IRF5: variants seen among roughly 807,000 people sequenced by gnomAD.
IRF5 encodes interferon regulatory factor 5.
Under a neutral mutation model 55.1 loss-of-function variants are expected in IRF5, and 24 were observed. The observed-to-expected ratio is 0.44, with a 90% CI of 0.32 to 0.61. IRF5 has a LOEUF of 0.61. Ranked by LOEUF, IRF5 falls within the 20% of genes least tolerant of loss-of-function variation. The pLI is 0.07. For missense variants in IRF5, 499 were observed against 658.5 expected (o/e 0.76, Z 2.65); for synonymous variants, 258 against 260.2 (o/e 0.99, Z 0.08).
chr7:128,941,844 G>A (rs1246304723), intron 1 of IRF5, among the ~76,000 whole-genome samples: 1 of 152,180 alleles, frequency 6.6e-6, no homozygotes, highest in African/African-American at 2.4e-5. Context: ...AGGGCACCTG[G>A]GGCCGCGCCC....
chr7:128,947,267 T>G lies in IRF5; in HGVS notation c.519T>G (p.Ser173=). Residue 173 remains serine (S), a synonymous_variant, in exon 6 of 9, where the codon TCT becomes TCG. Transcript: ENST00000357234. This position sits in a 1 kb window ranked among gnomAD's most constrained non-coding sequence, Gnocchi z 6.5. ...CTGGCCCCCACATGACACCCTATTC[T>G]TTACTCAAAGAGGATGTCAAGTGGC... The part of the protein sequence containing the change: ...VQSGPHMTPY[S]LLKEDVKWPP... 6.2e-7 allele frequency: 1 copy of G among 1,611,036 alleles called. No individual in the cohort carries two copies. Among genetic ancestry groups the G allele is most frequent in the Non-Finnish European group, 8.5e-7 (1 of 1,178,870 alleles).
chr7:128,947,906 C>T lies in IRF5; in HGVS notation c.965C>T (p.Pro322Leu). The T allele has an allele frequency of 6.2e-7, 1 of 1,614,108 alleles. No homozygotes were observed. The highest frequency in any genetic ancestry group is 8.5e-7 in the Non-Finnish European group (1 of 1,180,008). The change falls in exon 7 of 9, where the codon CCC becomes CTC. Residue 322 changes from proline (P) to leucine (L), a missense_variant. Pro to Leu is a moderately conservative substitution (Grantham distance 98). Coordinates refer to ENST00000357234, the MANE Select transcript of IRF5 (RefSeq NM_001098629.3). The surrounding 1 kb of genome is among the most constrained non-coding windows in gnomAD (Gnocchi z 6.5). ...QVRFPSPEDIPSDKQRFYTNQ... is the reference protein window; with the variant it reads ...QVRFPSPEDILSDKQRFYTNQ... ...CGCTTCCCCAGCCCTGAGGACATCC[C>T]CAGTGACAAGCAGCGCTTCTACACG...
Position 128,948,830 on chromosome 7 carries a change from A to G in IRF5, c.*12A>G. ...CTGGCATGCAATAACAAGGCTGCAG[A>G]CGGTGACTGGCCCTGGCTTCCTGGG... On this transcript the variant is annotated 3_prime_UTR_variant, in exon 9 of 9. Transcript: ENST00000357234. This position sits in a 1 kb window ranked among gnomAD's most constrained non-coding sequence, Gnocchi z 4.6. The G allele has an allele frequency of 6.3e-7, 1 of 1,596,054 alleles. No individual in the cohort carries two copies. Among genetic ancestry groups the G allele is most frequent in the African/African-American group, 1.3e-5 (1 of 74,896 alleles).
chr7:128,941,556 G>C (rs967784610), intron 1 of IRF5: 1 of 152,614 alleles, frequency 6.6e-6, no homozygotes, highest in African/African-American at 2.4e-5. Context: ...TCAGGGGATG[G>C]AGGGTGAGAA....
Position 128,946,639 on chromosome 7 carries a change from C to T in IRF5, c.447+77C>T, listed in dbSNP as rs1796320622. The T allele has an allele frequency of 9.3e-6, 9 of 965,800 alleles. No homozygotes were observed. The highest frequency in any genetic ancestry group is 1.3e-5 in the Non-Finnish European group (8 of 621,386). The allele number at this position is 965,800 out of a possible 1,614,324, so 59.8% of individuals were successfully genotyped here. A position where few individuals can be genotyped will look rare whatever the true frequency, so the allele number is the denominator to read the frequency against. Reference sequence around the variant, plus strand: ...CCCCATCGGCCTTAGGTTTCCGCAGCCCCACTCCCATGGAGCCCCGTGGCC... The same window carrying T: ...CCCCATCGGCCTTAGGTTTCCGCAGTCCCACTCCCATGGAGCCCCGTGGCC... On this transcript the variant is annotated intron_variant, in intron 4 of 8. Coordinates refer to ENST00000357234, the MANE Select transcript of IRF5 (RefSeq NM_001098629.3). The surrounding 1 kb of genome is among the most constrained non-coding windows in gnomAD (Gnocchi z 4.2).
rs1351530179 is a variant in IRF5 at position 128,949,355 on chromosome 7, A to G, written c.*537A>G. On this transcript the variant is annotated 3_prime_UTR_variant, in exon 9 of 9. Coordinates refer to ENST00000357234, the MANE Select transcript of IRF5 (RefSeq NM_001098629.3). Reference sequence around the variant, plus strand: ...AGAACCTGGAGCAGAAATAATTTTTATGTATTTTTGGATTAATGAATGTTA... The same window carrying G: ...AGAACCTGGAGCAGAAATAATTTTTGTGTATTTTTGGATTAATGAATGTTA... 1 of 152,582 alleles carries G rather than the reference A, an allele frequency of 6.6e-6. No homozygotes were observed. The highest frequency in any genetic ancestry group is 1.9e-4 in the East Asian group (1 of 5,198). 9.5% of individuals were successfully genotyped at this position (152,582 alleles called of 1,614,324 possible).
Position 128,949,002 on chromosome 7 carries a change from C to A in IRF5, c.*184C>A, listed in dbSNP as rs532305982. 7.3e-6 allele frequency: 5 copies of A among 681,368 alleles called. No individual in the cohort carries two copies. The East Asian group carries it at 1.4e-4, about 19-fold the overall frequency. The allele number at this position is 681,368 out of a possible 1,614,324, so 42.2% of individuals were successfully genotyped here. On this transcript the variant is annotated 3_prime_UTR_variant, in exon 9 of 9. Coordinates refer to ENST00000357234, the MANE Select transcript of IRF5 (RefSeq NM_001098629.3). ...AGCCCCTGCCTTCCCGGGCCTTTCT[C>A]TCCTGGGCTGTCTCTGGTCTGGTCA...
chr7:128,941,332 G>A (rs571901196), intron 1 of IRF5: 1 of 152,648 alleles, frequency 6.6e-6, no homozygotes, highest in South Asian at 2.1e-4. Context: ...CTACCCGAAT[G>A]CGTGTCCAGT....
chr7:128,948,110 A>G lies in IRF5; in HGVS notation c.1169A>G (p.His390Arg). 6.2e-7 allele frequency: 1 copy of G among 1,613,562 alleles called. No homozygotes were observed. Among genetic ancestry groups the G allele is most frequent in the Non-Finnish European group, 8.5e-7 (1 of 1,179,648 alleles). Reference sequence around the variant, plus strand: ...AAGACCAAGCTTTTCAGCCTGGAGCATTTTCTCAATGGTGAGGGCCCAAAG... The same window carrying G: ...AAGACCAAGCTTTTCAGCCTGGAGCGTTTTCTCAATGGTGAGGGCCCAAAG... ...EVKTKLFSLE[H>R]FLNELILFQK... The change falls in exon 7 of 9, where the codon CAT becomes CGT. Residue 390 changes from histidine (H) to arginine (R), a missense_variant. Around this residue, in one of 2 missense-constraint regions of IRF5, gnomAD observed 194 missense variants for 318.3 expected, o/e 0.61. Transcript: ENST00000357234. This position sits in a 1 kb window ranked among gnomAD's most constrained non-coding sequence, Gnocchi z 4.6.
chr7:128,945,683 T>G lies in IRF5; in HGVS notation c.196-162T>G, dbSNP rs528857737. On this transcript the variant is annotated intron_variant, in intron 2 of 8. Coordinates refer to ENST00000357234, the MANE Select transcript of IRF5 (RefSeq NM_001098629.3). ...GGCAGCCTGAGGGCTGGGGCAGGAC[T>G]GTGGCAGACTCCCACGCTGCAAACC... Among the ~76,000 whole-genome samples, 7 of 152,322 alleles carry G rather than the reference T, an allele frequency of 4.6e-5. No individual in the cohort carries two copies. In the South Asian group the frequency reaches 1.4e-3, roughly 32 times the overall value.
At position 128,946,827 on chromosome 7, in the gene IRF5, T is replaced by C. The variant is rs1040710216; in HGVS notation, c.448-196T>C. 3 of 699,912 alleles carry C rather than the reference T, an allele frequency of 4.3e-6. No homozygotes were observed. The highest frequency in any genetic ancestry group is 5.4e-5 in the East Asian group (2 of 37,028). The allele number at this position is 699,912 out of a possible 1,614,324, so 43.4% of individuals were successfully genotyped here. A position where few individuals can be genotyped will look rare whatever the true frequency, so the allele number is the denominator to read the frequency against. On this transcript the variant is annotated intron_variant, in intron 4 of 8. Coordinates refer to ENST00000357234, the MANE Select transcript of IRF5 (RefSeq NM_001098629.3). This position sits in a 1 kb window ranked among gnomAD's most constrained non-coding sequence, Gnocchi z 4.2. The stretch of plus-strand genomic sequence containing the variant: ...CCCTGCAGAAGGCAAATGAGGAAAG[T>C]GAGGCAAAGGGCTTTTCTGACCTGC...
intron 2 of IRF5, 98 bp from the exon 3 acceptor site, chr7:128,945,747 T>G: frequency 1.6e-6 from 2 of 1,220,660 alleles, no homozygotes; most frequent in Non-Finnish European, 2.3e-6. Context: ...GTAGCCGAAG[T>G]TCTCCCCACA....
At chr7:128,945,370 T>C (rs1796242265) in intron 2 of IRF5, among the ~76,000 whole-genome samples, 1 of 152,116 alleles carries the variant, frequency 6.6e-6, no homozygotes, top group African/African-American at 2.4e-5. Flanking sequence ...CCTCCCAAAA[T>C]GTTGGGATTA....
Position 128,948,845 on chromosome 7 carries a change from G to A in IRF5, c.*27G>A. 1 of 1,590,622 alleles carries A rather than the reference G, an allele frequency of 6.3e-7. No homozygotes were observed. Among genetic ancestry groups the A allele is most frequent in the African/African-American group, 1.3e-5 (1 of 74,764 alleles). On this transcript the variant is annotated 3_prime_UTR_variant, in exon 9 of 9. Transcript: ENST00000357234. The surrounding 1 kb of genome is among the most constrained non-coding windows in gnomAD (Gnocchi z 4.6). ...AAGGCTGCAGACGGTGACTGGCCCT[G>A]GCTTCCTGGGTGGCGGTGCGGACTG...
At chr7:128,943,541 A>AT (rs71162542) in intron 2 of IRF5, among the ~76,000 whole-genome samples, 4 of 107,866 alleles carry the variant, frequency 3.7e-5, no homozygotes, top group African/African-American at 7.3e-5. Context: ...TGCCCAGCTA[A>AT]TTTTTTTTTT....
At chr7:128,941,580 AAGAATCGAAC>A (rs1293900552) in intron 1 of IRF5, among the ~76,000 whole-genome samples, 1 of 152,104 alleles carries the variant, frequency 6.6e-6, no homozygotes, top group African/African-American at 2.4e-5. Flanking sequence ...TTGGGCAGGG[AAGAATCGAAC>A]TAGGGGTGTA....
Position 128,942,162 on chromosome 7 carries a change from CTGCCAGTACCCAGGGCTTCAA to C in IRF5, c.84_104del (p.Cys28_Gln34del). 1 of 1,613,806 alleles carries C rather than the reference CTGCCAGTACCCAGGGCTTCAA, an allele frequency of 6.2e-7. No individual in the cohort carries two copies. Among genetic ancestry groups the C allele is most frequent in the South Asian group, 1.1e-5 (1 of 91,070 alleles). ...CCTGGCTGGTGGCCCAGGTGAACAG[CTGCCAGTACCCAGGGCTTCAA>C]TGGGTCAACGGGGAAAAGAAATTAT... is the stretch of plus-strand genomic sequence containing the variant. On this transcript the variant is annotated inframe_deletion, in exon 2 of 9. Transcript: ENST00000357234.
At chr7:128,945,006 T>C (rs1161339763) in intron 2 of IRF5, among the ~76,000 whole-genome samples, 1 of 152,238 alleles carries the variant, frequency 6.6e-6, no homozygotes, top group African/African-American at 2.4e-5. Flanking sequence ...GAAAGAAATG[T>C]TGGTAACCCT....
chr7:128,940,150 T>G (rs1281732679), intron 1 of IRF5: 1 of 152,440 alleles, frequency 6.6e-6, no homozygotes, highest in Non-Finnish European at 1.5e-5. Context: ...GCTGCCTGTA[T>G]GGACGCGGCC....
Sources: gnomAD v4.1 joint callset for allele counts (sites outside exome capture counted in the v4.1 genomes callset) on GRCh38, gnomAD v4.1.1 for gene constraint, gnomAD v4.1.1 regional missense constraint, Gnocchi (gnomAD v3.1) non-coding constraint, MANE v1.5 for transcripts, NCBI Gene and HGNC (gene_info 2026-07-23, HGNC 2026-07-21) for gene names.